Variants in SPOCK3 observed in about 807,000 individuals in gnomAD.
The protein encoded by SPOCK3 is testican-3.
Under a neutral mutation model 56.6 loss-of-function variants are expected in SPOCK3, and 30 were observed. The ratio of observed to expected loss-of-function variants is 0.53; its 90% CI spans 0.40 to 0.72. SPOCK3 has a LOEUF of 0.72. Ranked by LOEUF, SPOCK3 falls within the 30% of genes least tolerant of loss-of-function variation. The pLI is 0.00. For missense variants in SPOCK3, 527 were observed against 530.0 expected, an observed-to-expected ratio of 0.99 and a Z score of 0.06; for synonymous variants, 196 against 183.3, an observed-to-expected ratio of 1.07 and a Z score of -0.56.
At chr4:166,976,751 T>G (rs888647869) in intron 4 of SPOCK3, among the ~76,000 whole-genome samples, 1 of 152,108 alleles carries the variant, frequency 6.6e-6, no homozygotes, top group African/African-American at 2.4e-5. Flanking sequence ...AATATTTACT[T>G]AAGTGGTGCC....
At chr4:167,191,868 A>G (rs2110851458) in intron 2 of SPOCK3, among the ~76,000 whole-genome samples, 1 of 145,632 alleles carries the variant, frequency 6.9e-6, no homozygotes, top group African/African-American at 2.6e-5. Flanking sequence ...TGATCTTAGG[A>G]AAAAAACCTT....
At chr4:167,000,662 T>C (rs1475107532) in intron 3 of SPOCK3, among the ~76,000 whole-genome samples, 199 bp from the exon 4 acceptor site, 1 of 152,192 alleles carries the variant, frequency 6.6e-6, no homozygotes, top group Admixed American at 6.6e-5. Context: ...TCTCATCCAC[T>C]CTATTCAGAA....
At chr4:167,040,805 T>C (rs1753174088) in intron 3 of SPOCK3, among the ~76,000 whole-genome samples, 1 of 152,198 alleles carries the variant, frequency 6.6e-6, no homozygotes, top group Non-Finnish European at 1.5e-5. Context: ...ATTAGAAAGA[T>C]GAAACTTAGG....
intron 2 of SPOCK3, among the ~76,000 whole-genome samples, chr4:167,115,089 G>A (rs1761220300): frequency 6.6e-6 from 1 of 152,078 alleles, no homozygotes; most frequent in African/African-American, 2.4e-5. Context: ...ATTTGATATT[G>A]CGAACAACTA....
intron 2 of SPOCK3, among the ~76,000 whole-genome samples, chr4:167,185,374 T>C (rs1731854186): frequency 6.6e-6 from 1 of 152,204 alleles, no homozygotes; most frequent in African/African-American, 2.4e-5. Context: ...CCTCCAATGT[T>C]ACCCATACTT....
chr4:166,870,176 T>C (rs749809437), intron 6 of SPOCK3, among the ~76,000 whole-genome samples: 1 of 152,114 alleles, frequency 6.6e-6, no homozygotes, highest in Non-Finnish European at 1.5e-5. Flanking sequence ...ATTTCAGGGA[T>C]GGGAATTCTG....
intron 6 of SPOCK3, among the ~76,000 whole-genome samples, chr4:166,823,840 C>T (rs1377688413): frequency 2.6e-5 from 4 of 152,046 alleles, no homozygotes; most frequent in Admixed American, 1.3e-4. Flanking sequence ...CCCACTGGCA[C>T]CACACTCAAA....
At chr4:166,984,951 G>C (rs1010644104) in intron 4 of SPOCK3, among the ~76,000 whole-genome samples, 1 of 152,046 alleles carries the variant, frequency 6.6e-6, no homozygotes, top group East Asian at 1.9e-4. Flanking sequence ...ACCAAAGTGA[G>C]TTTGGCTTGG....
At chr4:167,169,308 G>T (rs1730289700) in intron 2 of SPOCK3, among the ~76,000 whole-genome samples, 3 of 152,212 alleles carry the variant, frequency 2.0e-5, no homozygotes, top group African/African-American at 7.2e-5. Context: ...GCCAGACTGT[G>T]AAAGCAGCTA....
intron 3 of SPOCK3, among the ~76,000 whole-genome samples, chr4:167,033,936 G>A (rs1561142504): frequency 6.6e-6 from 1 of 152,102 alleles, no homozygotes; most frequent in Non-Finnish European, 1.5e-5. Flanking sequence ...CATTAAAAGT[G>A]TTTTACTAAG....
chr4:167,077,302 G>C (rs990595802), intron 2 of SPOCK3, among the ~76,000 whole-genome samples: 6 of 151,286 alleles, frequency 4.0e-5, no homozygotes, highest in Non-Finnish European at 8.9e-5. Context: ...AAATTCTTTA[G>C]AGACAAATAA....
intron 2 of SPOCK3, among the ~76,000 whole-genome samples, chr4:167,230,950 TA>T (rs1737115219): frequency 6.6e-6 from 1 of 152,118 alleles, no homozygotes. Context: ...TCTCCTGTGT[TA>T]ATACCTATTC....
intron 2 of SPOCK3, among the ~76,000 whole-genome samples, chr4:167,211,508 T>C (rs1024335640): frequency 1.3e-5 from 2 of 152,126 alleles, no homozygotes; most frequent in African/African-American, 2.4e-5. Context: ...CCATGTGATG[T>C]GGGAGGGACC....
intron 2 of SPOCK3, among the ~76,000 whole-genome samples, chr4:167,189,850 T>C (rs1198659880): frequency 6.9e-6 from 1 of 145,784 alleles, no homozygotes; most frequent in African/African-American, 2.6e-5. Context: ...CTTTTTAAGA[T>C]TCTGTATATA....
At chr4:166,738,562 G>A (rs1170761551) in intron 9 of SPOCK3, among the ~76,000 whole-genome samples, 1 of 149,098 alleles carries the variant, frequency 6.7e-6, no homozygotes, top group African/African-American at 2.5e-5. Context: ...CTGCTGTGCT[G>A]CACCCATTAA....
Position 167,233,658 on chromosome 4 carries a change from G to A in SPOCK3, c.189+327C>T, listed in dbSNP as rs572839394. 8.5e-5 allele frequency among the ~76,000 whole-genome samples: 13 copies of A among 152,248 alleles called. No homozygotes were observed. The South Asian group carries it at 2.7e-3, about 32-fold the overall frequency. ...ACATCTGCTGTGTTTACCAGTGCCA[G>A]AAACACCATTCAAAAGTTGAGAGGT... On this transcript the variant is annotated intron_variant, in intron 2 of 10. Transcript: ENST00000357545.
chr4:166,782,845 G>A (rs1014962071), intron 7 of SPOCK3, among the ~76,000 whole-genome samples: 1 of 152,108 alleles, frequency 6.6e-6, no homozygotes, highest in Non-Finnish European at 1.5e-5. Flanking sequence ...ATACAAATCA[G>A]TATTTTTGTG....
intron 6 of SPOCK3, among the ~76,000 whole-genome samples, chr4:166,808,154 AT>A (rs1743374232): frequency 6.6e-6 from 1 of 151,998 alleles, no homozygotes; most frequent in African/African-American, 2.4e-5. Context: ...TAGATGTGAA[AT>A]TTTGCAGCTG....
At chr4:166,794,873 C>T (rs1022948128) in intron 6 of SPOCK3, among the ~76,000 whole-genome samples, 1 of 152,016 alleles carries the variant, frequency 6.6e-6, no homozygotes. Context: ...GAACTCCTGA[C>T]CTCAGGTGAT....
Sources: allele counts gnomAD v4.1 joint callset (sites outside exome capture counted in the v4.1 genomes callset), GRCh38; gene constraint gnomAD v4.1.1; transcripts MANE v1.5; gene names NCBI Gene and HGNC (gene_info 2026-07-23, HGNC 2026-07-21).